Variants in ANK2 observed in about 807,000 individuals in gnomAD.
ANK2 encodes ankyrin 2, also known as ankyrin-2.
ANK2 carries 83 observed loss-of-function variants against 360.5 expected under a neutral mutation model. The observed-to-expected ratio is 0.23, with a 90% CI of 0.19 to 0.28. The LOEUF (loss-of-function observed/expected upper bound fraction) is 0.28, where lower values mean the gene tolerates loss of function less well. ANK2 is among the 10% of genes least tolerant of loss of function. The pLI, the probability that ANK2 is intolerant of heterozygous loss-of-function variation, is 1.00. For missense variants in ANK2, 4,201 were observed against 4,795.7 expected, an observed-to-expected ratio of 0.88 and a Z score of 3.66; for synonymous variants, 1,740 against 1,759.5, an observed-to-expected ratio of 0.99 and a Z score of 0.28.
intron 1 of ANK2, among the ~76,000 whole-genome samples, chr4:112,883,080 C>T (rs187954707): frequency 2.5e-5 from 3 of 121,170 alleles, no homozygotes; most frequent in African/African-American, 3.2e-5. Flanking sequence ...ACTCTTTTGC[C>T]CAGGCTGGAG....
At chr4:113,256,260 C>T (rs1275203684) in intron 11 of ANK2, among the ~76,000 whole-genome samples, 1 of 152,080 alleles carries the variant, frequency 6.6e-6, no homozygotes, top group African/African-American at 2.4e-5. Flanking sequence ...AAAATAAATT[C>T]TAGATACCTC....
chr4:113,291,733 T>C (rs2067709857), intron 20 of ANK2, among the ~76,000 whole-genome samples: 1 of 152,190 alleles, frequency 6.6e-6, no homozygotes, highest in Admixed American at 6.5e-5. Flanking sequence ...AGGTGGATTT[T>C]AATAAATAAT....
intron 4 of ANK2, chr4:113,213,928 A>T (rs1262504788): frequency 1.6e-6 from 1 of 615,360 alleles, no homozygotes; most frequent in Non-Finnish European, 2.8e-6. Flanking sequence ...TAAATGGAAA[A>T]AGAAACGACA....
the ANK2 span, among the ~76,000 whole-genome samples, chr4:112,811,362 A>G: frequency 6.6e-6 from 1 of 152,216 alleles, no homozygotes; most frequent in Non-Finnish European, 1.5e-5. Flanking sequence ...ATTTTGATCT[A>G]AAGTTGTTAC....
chr4:112,717,816 A>G, the ANK2 span, among the ~76,000 whole-genome samples: 1 of 152,134 alleles, frequency 6.6e-6, no homozygotes, highest in Admixed American at 6.5e-5. Flanking sequence ...AAAAGCTAAA[A>G]TGTACAAAAG....
intron 1 of ANK2, among the ~76,000 whole-genome samples, chr4:112,903,143 T>C (rs536392831): frequency 6.6e-6 from 1 of 152,268 alleles, no homozygotes; most frequent in South Asian, 2.1e-4. Context: ...TTAAAACATA[T>C]AGTATTGGGC....
chr4:112,896,011 G>T (rs961583088), intron 1 of ANK2, among the ~76,000 whole-genome samples: 1 of 152,176 alleles, frequency 6.6e-6, no homozygotes, highest in African/African-American at 2.4e-5. Context: ...GCTGCATAAT[G>T]AAAGCATTTG....
chr4:113,232,031 T>C lies in ANK2; in HGVS notation c.385-130T>C, dbSNP rs562174582. On this transcript the variant is annotated intron_variant, in intron 4 of 45. Transcript: ENST00000357077. ...ACTGCGATTTTGTCTAGCTTTATAA[T>C]GATAAATATGTGTATAATTTATTCA... is the stretch of plus-strand genomic sequence containing the variant. 2.0e-5 allele frequency: 14 copies of C among 695,890 alleles called. 1 individual carries two copies. The African/African-American group carries it at 2.3e-4, about 11-fold the overall frequency. 43.1% of individuals were successfully genotyped at this position (695,890 alleles called of 1,614,324 possible).
rs574406865 is a variant in ANK2 at position 113,016,618 on chromosome 4, TGACAA to T, written c.21+112107_21+112111del. Among the ~76,000 whole-genome samples the T allele has an allele frequency of 7.9e-4, 120 of 152,256 alleles. 1 individual carries two copies. In the South Asian group the frequency reaches 0.023, roughly 29 times the overall value. ...GTGTAATTCCTCCCTCCACCTCTTGTGACAAGAGTGTTAACCCATCTCCCCCAACA... is the reference window on the plus strand; with the variant it reads ...GTGTAATTCCTCCCTCCACCTCTTGTGAGTGTTAACCCATCTCCCCCAACA... On this transcript the variant is annotated intron_variant, in intron 2 of 30. Coordinates refer to the ANK2 transcript ENST00000503271.
chr4:113,268,447 G>T (rs755876587), intron 14 of ANK2, among the ~76,000 whole-genome samples: 1 of 152,158 alleles, frequency 6.6e-6, no homozygotes, highest in Admixed American at 6.5e-5. Context: ...TTTATTGAGA[G>T]TTTTTAGCAT....
At chr4:113,342,064 A>T in intron 33 of ANK2, 148 bp downstream of exon 33, 1 of 824,492 alleles carries the variant, frequency 1.2e-6, no homozygotes, top group South Asian at 1.8e-5. Flanking sequence ...TCAACATCCA[A>T]AATCTGCCAT....
chr4:112,821,210 C>T (rs1022262936), intron 1 of ANK2, among the ~76,000 whole-genome samples: 8 of 151,988 alleles, frequency 5.3e-5, no homozygotes, highest in Non-Finnish European at 1.0e-4. Flanking sequence ...CCACCCCGCC[C>T]GGCCCCTTAA....
Position 113,357,904 on chromosome 4 carries a change from A to C in ANK2, c.9286A>C (p.Ser3096Arg). ...RTPTEEGTPT[S>R]EQNPFLFQEG... ...CCCAACTGAAGAGGGGACCCCAACA[A>C]GTGAGCAAAACCCATTTCTGTTTCA... The change falls in exon 38 of 46, where the codon AGT (serine) becomes CGT (arginine). Residue 3096 changes from serine to arginine, a missense_variant. Ser to Arg is a moderately radical substitution (Grantham distance 110). Around this residue, in one of 4 missense-constraint regions of ANK2, gnomAD observed 2,642 missense variants for 2,714.5 expected, o/e 0.97. Coordinates refer to ENST00000357077, the MANE Select transcript of ANK2 (RefSeq NM_001148.6). 6.2e-7 allele frequency: 1 copy of C among 1,614,086 alleles called. No homozygotes were observed. Among genetic ancestry groups the C allele is most frequent in the Non-Finnish European group, 8.5e-7 (1 of 1,179,976 alleles).
At position 113,025,012 on chromosome 4, in the gene ANK2, C is replaced by T. The variant is rs572644322; in HGVS notation, c.21+120498C>T. Reference sequence around the variant, plus strand: ...TGTAGGATACCATTGATTCATTACTCTAGGAGTTTTCTTTTCCACTACAAT... The same window carrying T: ...TGTAGGATACCATTGATTCATTACTTTAGGAGTTTTCTTTTCCACTACAAT... On this transcript the variant is annotated intron_variant, in intron 2 of 30. Transcript: ENST00000503271. Among the ~76,000 whole-genome samples, 7 of 152,144 alleles carry T rather than the reference C, an allele frequency of 4.6e-5. No homozygotes were observed. In the South Asian group the frequency reaches 1.0e-3, roughly 23 times the overall value.
At chr4:113,207,040 G>T (rs1312324956) in intron 4 of ANK2, among the ~76,000 whole-genome samples, 1 of 151,906 alleles carries the variant, frequency 6.6e-6, no homozygotes, top group Non-Finnish European at 1.5e-5. Context: ...AAATTGCCAA[G>T]AAAGACATTA....
intron 22 of ANK2, among the ~76,000 whole-genome samples, chr4:113,300,709 T>C (rs2074509433): frequency 6.6e-6 from 1 of 152,106 alleles, no homozygotes; most frequent in Non-Finnish European, 1.5e-5. Flanking sequence ...AATGAGAGAA[T>C]ATGTGGAAAA....
chr4:112,716,145 C>T, the ANK2 span, among the ~76,000 whole-genome samples: 1 of 152,132 alleles, frequency 6.6e-6, no homozygotes, highest in African/African-American at 2.4e-5. Flanking sequence ...GCACAGCCCC[C>T]CTAGTTCCTA....
chr4:112,957,424 A>C (rs2029861137), intron 2 of ANK2, among the ~76,000 whole-genome samples: 1 of 152,224 alleles, frequency 6.6e-6, no homozygotes, highest in African/African-American at 2.4e-5. Context: ...CTTTCTACAC[A>C]TACACAGCAA....
intron 2 of ANK2, among the ~76,000 whole-genome samples, chr4:112,915,600 A>G (rs1429680874): frequency 6.6e-6 from 1 of 151,838 alleles, no homozygotes; most frequent in South Asian, 2.1e-4. Context: ...AAAATTTACA[A>G]AAAAATTAAC....
Sources: allele counts gnomAD v4.1 joint callset (sites outside exome capture counted in the v4.1 genomes callset), GRCh38; gene constraint gnomAD v4.1.1; regional missense constraint gnomAD v4.1.1; transcripts MANE v1.5; gene names NCBI Gene and HGNC (gene_info 2026-07-23, HGNC 2026-07-21).